The following LUZP2 variants were observed in gnomAD, a reference collection of about 807,000 sequenced individuals.
LUZP2 encodes leucine zipper protein 2.
LUZP2 carries 52 observed loss-of-function variants against 51.6 expected under a neutral mutation model. That is an observed-to-expected ratio of 1.01 (90% CI 0.81 to 1.27). The LOEUF (loss-of-function observed/expected upper bound fraction) is 1.27. Ranked by LOEUF, LUZP2 falls within the 50% of genes most tolerant of loss-of-function variation. The pLI, the probability that LUZP2 is intolerant of heterozygous loss-of-function variation, is 0.00. For missense variants in LUZP2, 436 were observed against 395.4 expected, an observed-to-expected ratio of 1.10 and a Z score of -0.87; for synonymous variants, 154 against 137.3, an observed-to-expected ratio of 1.12 and a Z score of -0.85.
At chr11:25,005,111 A>G (rs1239739883) in intron 9 of LUZP2, among the ~76,000 whole-genome samples, 2 of 152,152 alleles carry the variant, frequency 1.3e-5, no homozygotes, top group Non-Finnish European at 2.9e-5. Context: ...AGGTTGGACC[A>G]AATTCCCCAC....
intron 1 of LUZP2, among the ~76,000 whole-genome samples, chr11:24,686,863 G>A (rs1403045017): frequency 6.6e-6 from 1 of 152,040 alleles, no homozygotes; most frequent in African/African-American, 2.4e-5. Context: ...TGCTCATGCT[G>A]CTTCCCCGAG....
At chr11:24,850,217 G>C (rs1444291434) in intron 5 of LUZP2, among the ~76,000 whole-genome samples, 1 of 152,176 alleles carries the variant, frequency 6.6e-6, no homozygotes, top group Non-Finnish European at 1.5e-5. Context: ...GTCCTGAATG[G>C]TATTGCCTAG....
At chr11:24,525,017 A>T (rs1019268960) in intron 1 of LUZP2, among the ~76,000 whole-genome samples, 1 of 151,546 alleles carries the variant, frequency 6.6e-6, no homozygotes, top group Non-Finnish European at 1.5e-5. Flanking sequence ...GAACAAACAT[A>T]TTTGCCACTA....
intron 1 of LUZP2, among the ~76,000 whole-genome samples, chr11:24,535,678 A>C (rs1243463783): frequency 6.7e-6 from 1 of 150,130 alleles, no homozygotes; most frequent in African/African-American, 2.5e-5. Context: ...ACCTTCCTCC[A>C]TTAAAGTATT....
chr11:24,704,184 C>A (rs902981562), intron 1 of LUZP2, among the ~76,000 whole-genome samples: 1 of 152,006 alleles, frequency 6.6e-6, no homozygotes, highest in African/African-American at 2.4e-5. Flanking sequence ...TTTGCTTTAG[C>A]GTCTTTGGAG....
intron 1 of LUZP2, among the ~76,000 whole-genome samples, chr11:24,654,788 G>A (rs1178615146): frequency 6.6e-6 from 1 of 151,514 alleles, no homozygotes; most frequent in South Asian, 2.1e-4. Context: ...GCCTCCAAAA[G>A]TGCTGGGATT....
intron 10 of LUZP2, among the ~76,000 whole-genome samples, chr11:25,050,913 T>C (rs1565284314): frequency 6.6e-6 from 1 of 152,196 alleles, no homozygotes; most frequent in South Asian, 2.1e-4. Flanking sequence ...AATGAGTCTT[T>C]TCACTCTTTA....
intron 1 of LUZP2, among the ~76,000 whole-genome samples, chr11:24,621,580 T>C (rs548646280): frequency 1.6e-4 from 25 of 152,328 alleles, no homozygotes; most frequent in African/African-American, 5.8e-4. Flanking sequence ...CTCTCTGTCA[T>C]TAATTGAAAA....
At chr11:24,806,208 G>A (rs1189424490) in intron 5 of LUZP2, among the ~76,000 whole-genome samples, 1 of 152,158 alleles carries the variant, frequency 6.6e-6, no homozygotes, top group Non-Finnish European at 1.5e-5. Context: ...TTCAGGGTAG[G>A]AACATACAGT....
chr11:24,932,620 C>G (rs555471777), intron 7 of LUZP2, among the ~76,000 whole-genome samples: 1 of 152,274 alleles, frequency 6.6e-6, no homozygotes, highest in East Asian at 1.9e-4. Flanking sequence ...AGCTCGCACA[C>G]AGCTCAAAAG....
At chr11:24,933,220 G>A (rs1016853128) in intron 7 of LUZP2, among the ~76,000 whole-genome samples, 5 of 152,084 alleles carry the variant, frequency 3.3e-5, no homozygotes, top group African/African-American at 1.2e-4. Context: ...AAAGTATCTG[G>A]GGATTCTCTT....
chr11:24,966,523 T>A (rs1217936776), intron 7 of LUZP2, among the ~76,000 whole-genome samples: 1 of 150,352 alleles, frequency 6.7e-6, no homozygotes, highest in Non-Finnish European at 1.5e-5. Flanking sequence ...AGCTTTTACA[T>A]TTAGGTCAAT....
chr11:25,009,602 C>T (rs1856928788), intron 9 of LUZP2, among the ~76,000 whole-genome samples: 1 of 152,084 alleles, frequency 6.6e-6, no homozygotes, highest in Non-Finnish European at 1.5e-5. Context: ...GTCATTATAA[C>T]TCACTAGAGA....
chr11:25,071,049 T>A (rs1453424539), intron 10 of LUZP2, among the ~76,000 whole-genome samples: 4 of 151,994 alleles, frequency 2.6e-5, no homozygotes, highest in African/African-American at 4.8e-5. Flanking sequence ...AAAGCATATG[T>A]GTATGTCTTA....
At chr11:24,511,485 T>A (rs546791789) in intron 1 of LUZP2, among the ~76,000 whole-genome samples, 1 of 152,266 alleles carries the variant, frequency 6.6e-6, no homozygotes, top group African/African-American at 2.4e-5. Flanking sequence ...AAAGTTTACA[T>A]CAGTTGGATA....
intron 1 of LUZP2, among the ~76,000 whole-genome samples, chr11:24,503,581 T>C (rs1436287414): frequency 2.0e-5 from 3 of 152,102 alleles, no homozygotes; most frequent in African/African-American, 7.2e-5. Context: ...TTTTAATCTC[T>C]TTAAGTGTAC....
rs1276436048 is a variant in LUZP2, at chr11:24,774,419, T to A, written c.396+11111T>A. Reference sequence around the variant, plus strand: ...ACATATTTATAAAGAATATATTCTTTATATATCTGTAGGGAGAATATATAT... The same window carrying A: ...ACATATTTATAAAGAATATATTCTTAATATATCTGTAGGGAGAATATATAT... On this transcript the variant is annotated intron_variant, in intron 5 of 11. Coordinates refer to ENST00000336930, the MANE Select transcript of LUZP2 (RefSeq NM_001009909.4). 2.2e-5 allele frequency among the ~76,000 whole-genome samples: 3 copies of A among 135,408 alleles called. No homozygotes were observed. The South Asian group carries it at 6.8e-4, about 31-fold the overall frequency. 88.8% of individuals were successfully genotyped at this position (135,408 alleles called of 152,430 possible).
chr11:25,056,081 G>A (rs1858677898), intron 10 of LUZP2, among the ~76,000 whole-genome samples: 1 of 151,978 alleles, frequency 6.6e-6, no homozygotes, highest in Non-Finnish European at 1.5e-5. Context: ...TAAAATATGA[G>A]CAAAGCAACC....
In LUZP2 at chr11:24,912,285, C is replaced by T. The variant is rs372529044; in HGVS notation, c.460-2191C>T. 1.1e-4 allele frequency among the ~76,000 whole-genome samples: 16 copies of T among 145,818 alleles called. No individual in the cohort carries two copies. In the East Asian group the frequency reaches 2.6e-3, roughly 24 times the overall value. On this transcript the variant is annotated intron_variant, in intron 6 of 11. Transcript: ENST00000336930. ...TCATTTTGTTTTCTTTTTGTTCTTT[C>T]TTGTTAACTTCCTGATTCAATGGAT...
Sources: allele counts gnomAD v4.1 joint callset (sites outside exome capture counted in the v4.1 genomes callset), GRCh38; gene constraint gnomAD v4.1.1; transcripts MANE v1.5; gene names NCBI Gene and HGNC (gene_info 2026-07-23, HGNC 2026-07-21).